Variants in LIMCH1 observed in about 807,000 individuals in gnomAD.
LIMCH1 encodes LIM and calponin homology domains-containing protein 1.
In LIMCH1, 113 loss-of-function variants were observed where a neutral mutation model predicts 176.5. The ratio of observed to expected loss-of-function variants is 0.64; its 90% CI spans 0.55 to 0.75. The LOEUF is 0.75. LIMCH1 is among the 30% of genes least tolerant of loss of function. The pLI is 0.00. For synonymous variants in LIMCH1, 619 were observed against 645.9 expected (o/e 0.96, Z 0.63); for missense variants, 1,674 against 1,814.9 (o/e 0.92, Z 1.41).
At chr4:41,525,430 G>C (rs1021042340) in intron 3 of LIMCH1, among the ~76,000 whole-genome samples, 22 of 152,150 alleles carry the variant, frequency 1.4e-4, no homozygotes, top group African/African-American at 5.3e-4. Flanking sequence ...GCCATATCAC[G>C]ATGACTAATT....
rs376642898 is a variant in LIMCH1 at position 41,698,723 on chromosome 4, G to T, written c.*1538G>T. The stretch of plus-strand genomic sequence containing the variant: ...GCGATTATTTATTACATGCTAGATG[G>T]GTTCTTTGCATGTGGGTTCCATATA... On this transcript the variant is annotated 3_prime_UTR_variant, in exon 32 of 32. Coordinates refer to ENST00000503057, the MANE Select transcript of LIMCH1 (RefSeq NM_001330672.2). The T allele has an allele frequency of 6.6e-6, 1 of 152,662 alleles. No homozygotes were observed. The highest frequency in any genetic ancestry group is 1.9e-4 in the East Asian group (1 of 5,168). 9.5% of individuals were successfully genotyped at this position (152,662 alleles called of 1,614,324 possible). A position where few individuals can be genotyped will look rare whatever the true frequency, so the allele number is the denominator to read the frequency against.
intron 1 of LIMCH1, among the ~76,000 whole-genome samples, chr4:41,445,156 C>G (rs545989041): frequency 6.6e-6 from 1 of 152,096 alleles, no homozygotes; most frequent in East Asian, 1.9e-4. Flanking sequence ...CAGGTGCACA[C>G]CGCCACGCCT....
intron 31 of LIMCH1, among the ~76,000 whole-genome samples, chr4:41,693,657 T>C (rs1027211200): frequency 4.6e-5 from 7 of 151,780 alleles, no homozygotes; most frequent in Admixed American, 4.6e-4. Context: ...ATACATTTTA[T>C]TTAAACTGGA....
intron 1 of LIMCH1, among the ~76,000 whole-genome samples, chr4:41,565,581 A>T (rs991766139): frequency 3.3e-5 from 5 of 152,080 alleles, no homozygotes; most frequent in Admixed American, 6.6e-5. Flanking sequence ...TAGCTTTTGT[A>T]TCTTTCTCTA....
At chr4:41,676,318 T>C in intron 22 of LIMCH1, 64 bp from the exon 23 acceptor site, 1 of 1,349,456 alleles carries the variant, frequency 7.4e-7, no homozygotes, top group Non-Finnish European at 1.0e-6. Context: ...TTGTCTACTC[T>C]TCACCCGGCC....
intron 1 of LIMCH1, among the ~76,000 whole-genome samples, chr4:41,406,915 G>A (rs1172687357): frequency 1.3e-5 from 2 of 152,164 alleles, no homozygotes; most frequent in Non-Finnish European, 2.9e-5. Context: ...ATGATTAAGA[G>A]TTGATCACAT....
At chr4:41,508,993 C>T (rs2074507724) in intron 2 of LIMCH1, among the ~76,000 whole-genome samples, 1 of 152,176 alleles carries the variant, frequency 6.6e-6, no homozygotes, top group Non-Finnish European at 1.5e-5. Flanking sequence ...CACATGCAAT[C>T]ATTTTCTGAA....
intron 20 of LIMCH1, among the ~76,000 whole-genome samples, chr4:41,664,466 C>T (rs763601318): frequency 3.3e-4 from 50 of 152,172 alleles, no homozygotes; most frequent in Non-Finnish European, 6.8e-4. Context: ...CCTAGCTATT[C>T]TTCATTTTTA....
chr4:41,567,042 T>C (rs2082872161), intron 1 of LIMCH1, among the ~76,000 whole-genome samples: 1 of 152,236 alleles, frequency 6.6e-6, no homozygotes, highest in Admixed American at 6.5e-5. Context: ...TTCTTAAAGC[T>C]GTTCTTCCTT....
chr4:41,376,674 G>T (rs1165243157), intron 1 of LIMCH1, among the ~76,000 whole-genome samples: 3 of 152,092 alleles, frequency 2.0e-5, no homozygotes, highest in African/African-American at 7.2e-5. Context: ...CCTAGTAGTA[G>T]GAATACCCTA....
chr4:41,390,865 T>C (rs979690613), intron 1 of LIMCH1, among the ~76,000 whole-genome samples: 1 of 152,230 alleles, frequency 6.6e-6, no homozygotes, highest in Non-Finnish European at 1.5e-5. Context: ...TTAGAACTTA[T>C]GCTTACATTT....
chr4:41,686,339 C>T (rs915000591), intron 28 of LIMCH1, among the ~76,000 whole-genome samples: 4 of 152,144 alleles, frequency 2.6e-5, no homozygotes, highest in African/African-American at 7.2e-5. Flanking sequence ...TCCTTTTCAT[C>T]CATTAACTCA....
At chr4:41,489,227 A>G (rs1338374857) in intron 1 of LIMCH1, among the ~76,000 whole-genome samples, 1 of 152,152 alleles carries the variant, frequency 6.6e-6, no homozygotes, top group African/African-American at 2.4e-5. Flanking sequence ...AATGTAGCCA[A>G]AGGTTTCTAA....
intron 1 of LIMCH1, among the ~76,000 whole-genome samples, chr4:41,372,307 GT>G (rs1486432381): frequency 6.6e-6 from 1 of 152,120 alleles, no homozygotes; most frequent in East Asian, 1.9e-4. Context: ...TACTGCTCTG[GT>G]TACAAAGTTG....
chr4:41,622,648 T>C (rs1356908577), intron 7 of LIMCH1, among the ~76,000 whole-genome samples: 2 of 152,204 alleles, frequency 1.3e-5, no homozygotes, highest in Admixed American at 6.5e-5. Flanking sequence ...TTTATTTTAT[T>C]AAAAACTTTG....
chr4:41,636,538 T>C (rs1407262543), intron 13 of LIMCH1, among the ~76,000 whole-genome samples: 1 of 152,014 alleles, frequency 6.6e-6, no homozygotes, highest in Non-Finnish European at 1.5e-5. Flanking sequence ...AGTAAAGGGA[T>C]AAATGAAGGT....
At chr4:41,448,591 AAC>A (rs1301593842) in intron 1 of LIMCH1, among the ~76,000 whole-genome samples, 2 of 152,184 alleles carry the variant, frequency 1.3e-5, no homozygotes, top group African/African-American at 4.8e-5. Context: ...TAATTCATAT[AAC>A]ACACATTTTA....
chr4:41,582,613 G>T (rs192412080), intron 1 of LIMCH1, among the ~76,000 whole-genome samples: 2 of 152,162 alleles, frequency 1.3e-5, no homozygotes, highest in Non-Finnish European at 2.9e-5. Context: ...CATTAAGCAC[G>T]TTACATTATG....
chr4:41,471,614 C>G (rs1424855876), intron 1 of LIMCH1, among the ~76,000 whole-genome samples: 1 of 152,144 alleles, frequency 6.6e-6, no homozygotes, highest in Non-Finnish European at 1.5e-5. Flanking sequence ...AGCGTTTATC[C>G]TCCTAGAGAT....
Sources: allele counts gnomAD v4.1 joint callset (sites outside exome capture counted in the v4.1 genomes callset), GRCh38; gene constraint gnomAD v4.1.1; transcripts MANE v1.5; gene names NCBI Gene and HGNC (gene_info 2026-07-23, HGNC 2026-07-21).